SLC38A11: variants seen among roughly 807,000 people sequenced by gnomAD.
The protein encoded by SLC38A11 is putative sodium-coupled neutral amino acid transporter 11.
In SLC38A11, 51 loss-of-function variants were observed where a neutral mutation model predicts 49.4. The ratio of observed to expected loss-of-function variants is 1.03; its 90% CI spans 0.83 to 1.30. SLC38A11 has a LOEUF of 1.30. Among genes scored for constraint, SLC38A11 ranks in the 50% most tolerant of loss-of-function variants. SLC38A11 has a pLI of 0.00. For synonymous variants in SLC38A11, 203 were observed against 192.9 expected (o/e 1.05, Z -0.43); for missense variants, 574 against 556.2 (o/e 1.03, Z -0.32).
chr2:164,929,981 T>TA (rs1206529888), intron 7 of SLC38A11, among the ~76,000 whole-genome samples: 5 of 151,002 alleles, frequency 3.3e-5, no homozygotes, highest in Non-Finnish European at 7.4e-5. Context: ...TGTTTTTTTT[T>TA]AAAATTCAAA....
chr2:164,898,844 G>T, intron 11 of SLC38A11, 114 bp from the exon 12 acceptor site: 2 of 962,208 alleles, frequency 2.1e-6, no homozygotes, highest in South Asian at 3.8e-5. Flanking sequence ...ACATGTGATA[G>T]GTTCAGTTGA....
intron 5 of SLC38A11, among the ~76,000 whole-genome samples, chr2:164,940,766 ATG>A (rs968998018): frequency 3.3e-5 from 5 of 150,422 alleles, no homozygotes; most frequent in African/African-American, 1.2e-4. Context: ...ATATATGTGT[ATG>A]TGTGTGTATA....
chr2:164,921,496 ATT>A (rs34326594), intron 7 of SLC38A11, among the ~76,000 whole-genome samples: 239 of 142,974 alleles, frequency 1.7e-3, no homozygotes, highest in African/African-American at 5.2e-3. Context: ...TATATTTTTA[ATT>A]TTTTTTTTTT....
At chr2:164,914,552 G>A (rs1233319929) in intron 9 of SLC38A11, among the ~76,000 whole-genome samples, 1 of 151,742 alleles carries the variant, frequency 6.6e-6, no homozygotes, top group African/African-American at 2.4e-5. Context: ...TGAAAGTACC[G>A]GGAAATTTTT....
At chr2:164,907,554 C>T (rs956023838) in intron 11 of SLC38A11, among the ~76,000 whole-genome samples, 5 of 152,066 alleles carry the variant, frequency 3.3e-5, no homozygotes, top group Non-Finnish European at 4.4e-5. Context: ...TGTGAGCCAC[C>T]GTTCCTGGCC....
chr2:164,902,367 ATGT>A (rs1331476356), intron 11 of SLC38A11, among the ~76,000 whole-genome samples: 2 of 152,122 alleles, frequency 1.3e-5, no homozygotes, highest in African/African-American at 4.8e-5. Context: ...CATTTCACAA[ATGT>A]TGTTCTCTGA....
intron 11 of SLC38A11, among the ~76,000 whole-genome samples, chr2:164,899,698 T>A (rs1684535395): frequency 6.6e-6 from 1 of 152,098 alleles, no homozygotes; most frequent in Non-Finnish European, 1.5e-5. Context: ...ATATTTGAGG[T>A]TTATAACCTG....
At chr2:164,904,905 A>T (rs1039400082) in intron 11 of SLC38A11, among the ~76,000 whole-genome samples, 1 of 152,140 alleles carries the variant, frequency 6.6e-6, no homozygotes, top group African/African-American at 2.4e-5. Context: ...GAGTAGTGTA[A>T]TGATTTAAAA....
intron 9 of SLC38A11, among the ~76,000 whole-genome samples, chr2:164,914,350 G>A (rs1685616352): frequency 6.6e-6 from 1 of 151,992 alleles, no homozygotes; most frequent in African/African-American, 2.4e-5. Flanking sequence ...TAGAAGAGAG[G>A]ACTGCTCAGT....
At position 164,952,842 on chromosome 2, in the gene SLC38A11, TC is replaced by T. The variant is rs1241733559; in HGVS notation, c.155-62del. On this transcript the variant is annotated intron_variant, in intron 2 of 11. Transcript: ENST00000685975. Reference sequence around the variant, plus strand: ...ACAAGAAAGCTAGAAACACAGAAATTCCCCCCTTCAATTTCTGCATATAATA... The same window carrying T: ...ACAAGAAAGCTAGAAACACAGAAATTCCCCCTTCAATTTCTGCATATAATA... 4.7e-5 allele frequency: 60 copies of T among 1,269,646 alleles called. No individual in the cohort carries two copies. In the East Asian group the frequency reaches 1.2e-3, roughly 25 times the overall value. The allele number at this position is 1,269,646 out of a possible 1,614,324, so 78.6% of individuals were successfully genotyped here.
chr2:164,896,111 T>C lies in SLC38A11; in HGVS notation c.*2326A>G, dbSNP rs555343891. 1 of 151,900 alleles carries C rather than the reference T, an allele frequency of 6.6e-6. No individual in the cohort carries two copies. The highest frequency in any genetic ancestry group is 1.9e-4 in the East Asian group (1 of 5,172). 9.4% of individuals were successfully genotyped at this position (151,900 alleles called of 1,614,324 possible). On this transcript the variant is annotated 3_prime_UTR_variant, in exon 12 of 12. Coordinates refer to ENST00000685975, the MANE Select transcript of SLC38A11 (RefSeq NM_001351537.2). ...TCTCTTATTGAACTGAGGCAGAAAA[T>C]AGATTGAGGGGTGGGGTTCTTGCAG...
At chr2:164,911,276 C>A (rs1685380945) in intron 10 of SLC38A11, among the ~76,000 whole-genome samples, 1 of 151,960 alleles carries the variant, frequency 6.6e-6, no homozygotes, top group Non-Finnish European at 1.5e-5. Flanking sequence ...ATGTTTTAAA[C>A]CTTGATACTT....
chr2:164,935,015 G>A (rs556720404), intron 7 of SLC38A11, among the ~76,000 whole-genome samples: 10 of 152,082 alleles, frequency 6.6e-5, no homozygotes, highest in African/African-American at 2.2e-4. Context: ...TGGAAAAATT[G>A]CAATTCTTCT....
chr2:164,943,576 G>A (rs1687921414), intron 5 of SLC38A11, among the ~76,000 whole-genome samples: 1 of 152,216 alleles, frequency 6.6e-6, no homozygotes, highest in African/African-American at 2.4e-5. Flanking sequence ...TCATCAGGAG[G>A]TTGGAAGAGG....
At chr2:164,937,163 C>A (rs1687427387) in intron 7 of SLC38A11, among the ~76,000 whole-genome samples, 187 bp downstream of exon 7, 1 of 152,080 alleles carries the variant, frequency 6.6e-6, no homozygotes. Flanking sequence ...ATTCTATCAG[C>A]CTTGTAGGGT....
intron 7 of SLC38A11, among the ~76,000 whole-genome samples, chr2:164,925,042 G>T (rs991875474): frequency 6.6e-6 from 1 of 152,144 alleles, no homozygotes; most frequent in African/African-American, 2.4e-5. Flanking sequence ...CACTGTGCCC[G>T]GCCTGAAATA....
At chr2:164,921,786 T>C (rs1686224944) in intron 7 of SLC38A11, among the ~76,000 whole-genome samples, 1 of 152,218 alleles carries the variant, frequency 6.6e-6, no homozygotes, top group Non-Finnish European at 1.5e-5. Flanking sequence ...TTAACAGCAA[T>C]GATTCGTGTT....
intron 7 of SLC38A11, among the ~76,000 whole-genome samples, chr2:164,935,901 A>G (rs991663475): frequency 1.3e-5 from 2 of 152,092 alleles, no homozygotes; most frequent in African/African-American, 4.8e-5. Flanking sequence ...GAGACTTCTG[A>G]GATCTTGCTG....
intron 8 of SLC38A11, 60 bp from the exon 9 acceptor site, chr2:164,915,333 C>G (rs1685706548): frequency 1.4e-6 from 2 of 1,472,810 alleles, no homozygotes; most frequent in African/African-American, 1.4e-5. Flanking sequence ...TTTTTTAGTT[C>G]TGAAATTCAG....
Sources: allele counts gnomAD v4.1 joint callset (sites outside exome capture counted in the v4.1 genomes callset), GRCh38; gene constraint gnomAD v4.1.1; transcripts MANE v1.5; gene names NCBI Gene and HGNC (gene_info 2026-07-23, HGNC 2026-07-21).